The following PGBD5 variants were observed in gnomAD, a reference collection of about 807,000 sequenced individuals.
The protein encoded by PGBD5 is piggyBac transposable element-derived protein 5.
In PGBD5, 14 loss-of-function variants were observed where a neutral mutation model predicts 47.9. The observed-to-expected ratio is 0.29, with a 90% confidence interval of 0.19 to 0.46. PGBD5 has a LOEUF of 0.46. PGBD5 is among the 20% of genes least tolerant of loss of function. The pLI is 1.00. For synonymous variants in PGBD5, 316 were observed against 306.3 expected, an observed-to-expected ratio of 1.03 and a Z score of -0.33; for missense variants, 635 against 716.0, an observed-to-expected ratio of 0.89 and a Z score of 1.29.
At chr1:230,332,223 C>T (rs1309684134) in intron 5 of PGBD5, among the ~76,000 whole-genome samples, 1 of 152,230 alleles carries the variant, frequency 6.6e-6, no homozygotes, top group Non-Finnish European at 1.5e-5. Context: ...CGTGTGAAGG[C>T]AGGGGAGGCT....
At chr1:230,390,390 T>A (rs1656755039) in intron 1 of PGBD5, among the ~76,000 whole-genome samples, 1 of 152,110 alleles carries the variant, frequency 6.6e-6, no homozygotes, top group African/African-American at 2.4e-5. Flanking sequence ...TCTTGGCTCC[T>A]CCCAACCCCT....
At position 230,404,636 on chromosome 1, in the gene PGBD5, A is replaced by C. The variant is rs1262768750; in HGVS notation, c.331+20962T>G. Among the ~76,000 whole-genome samples the C allele has an allele frequency of 4.2e-5, 6 of 143,368 alleles. 1 individual carries two copies. In the East Asian group the frequency reaches 1.2e-3, roughly 29 times the overall value. The allele number at this position is 143,368 out of a possible 152,430, so 94.1% of individuals were successfully genotyped here. On this transcript the variant is annotated intron_variant, in intron 1 of 6. Coordinates refer to ENST00000391860, the MANE Select transcript of PGBD5 (RefSeq NM_001258311.2). Reference sequence around the variant, plus strand: ...CAAAAAAAAAAAAAAAAAAATATATATATATATATATATGGCCTGGCAAGG... The same window carrying C: ...CAAAAAAAAAAAAAAAAAAATATATCTATATATATATATGGCCTGGCAAGG...
intron 1 of PGBD5, among the ~76,000 whole-genome samples, chr1:230,359,197 C>G (rs112458446): frequency 0.012 from 1,758 of 152,052 alleles, 30 homozygotes; most frequent in African/African-American, 0.038. Flanking sequence ...GAGTAGCTGG[C>G]ATTACAGATG....
At chr1:230,385,434 G>C (rs1237740206) in intron 1 of PGBD5, among the ~76,000 whole-genome samples, 1 of 152,164 alleles carries the variant, frequency 6.6e-6, no homozygotes, top group Non-Finnish European at 1.5e-5. Flanking sequence ...AATGCAGAAA[G>C]GTTTTTGGAA....
chr1:230,401,620 C>T lies in PGBD5; in HGVS notation c.331+23978G>A, dbSNP rs1029558739. Among the ~76,000 whole-genome samples the T allele has an allele frequency of 3.9e-5, 6 of 152,314 alleles. No homozygotes were observed. The South Asian group carries it at 6.2e-4, about 16-fold the overall frequency. On this transcript the variant is annotated intron_variant, in intron 1 of 6. Transcript: ENST00000391860. ...TCTGACTTCCAGTGGATTAAAGAAA[C>T]ACTGAAAACACACTGGCCTCAGCAA...
At chr1:230,334,589 T>G (rs1391568525) in intron 4 of PGBD5, among the ~76,000 whole-genome samples, 1 of 139,036 alleles carries the variant, frequency 7.2e-6, no homozygotes, top group Non-Finnish European at 1.6e-5. Flanking sequence ...CTTGGCTGCC[T>G]GAGAATCCCC....
At position 230,425,626 on chromosome 1, in the gene PGBD5, G is replaced by T; in HGVS notation, c.303C>A (p.Arg101=). The T allele has an allele frequency of 8.2e-7, 1 of 1,220,094 alleles. No homozygotes were observed. Among genetic ancestry groups the T allele is most frequent in the Non-Finnish European group, 1.0e-6 (1 of 980,574 alleles). The allele number at this position is 1,220,094 out of a possible 1,614,324, so 75.6% of individuals were successfully genotyped here. Residue 101 remains arginine (R), a synonymous_variant, in exon 1 of 7, where the codon CGC becomes CGA. Transcript: ENST00000391860. This position sits in a 1 kb window ranked among gnomAD's most constrained non-coding sequence, Gnocchi z 4.7. ...GAGWSAALRD[R]PPPRFEDTGG... The stretch of plus-strand genomic sequence containing the variant: ...CGGTATCCTCGAAGCGCGGGGGCGG[G>T]CGGTCCCGCAGCGCTGCGCTCCAGC...
intron 1 of PGBD5, chr1:230,367,959 G>T (rs749593901): frequency 7.3e-7 from 1 of 1,366,218 alleles, no homozygotes; most frequent in Non-Finnish European, 9.8e-7. Context: ...ACACCAAGGA[G>T]CTCAAGGTCC....
intron 4 of PGBD5, among the ~76,000 whole-genome samples, chr1:230,335,760 C>CAGACAGACACACAA (rs1558192709): frequency 1.4e-5 from 2 of 142,078 alleles, no homozygotes; most frequent in Non-Finnish European, 3.1e-5. Flanking sequence ...CACACAGATA[C>CAGACAGACACACAA]ACAGATACAG....
rs79689884 is a variant in PGBD5 at position 230,414,372 on chromosome 1, T to C, written c.331+11226A>G. Among the ~76,000 whole-genome samples the C allele has an allele frequency of 3.7e-3, 571 of 152,314 alleles. 1 individual carries two copies. The highest frequency in any genetic ancestry group is 5.0e-3 in the Non-Finnish European group (337 of 68,028). ...ACCTTCAGAAATGGGGGCTGCACTCTCTCAACTATTCCAATTTCCCCAGTG... is the reference window on the plus strand; with the variant it reads ...ACCTTCAGAAATGGGGGCTGCACTCCCTCAACTATTCCAATTTCCCCAGTG... On this transcript the variant is annotated intron_variant, in intron 1 of 6. Coordinates refer to ENST00000391860, the MANE Select transcript of PGBD5 (RefSeq NM_001258311.2).
chr1:230,319,316 C>T lies in PGBD5; in HGVS notation c.*4109G>A, dbSNP rs539091444. On this transcript the variant is annotated 3_prime_UTR_variant, in exon 7 of 7. Coordinates refer to ENST00000391860, the MANE Select transcript of PGBD5 (RefSeq NM_001258311.2). ...GCTGTCATACCTTTCAAACACAGCA[C>T]CTGCGAGGATGCAGGAGACAGATCT... is the stretch of plus-strand genomic sequence containing the variant. 2.0e-5 allele frequency: 3 copies of T among 152,434 alleles called. No individual in the cohort carries two copies. Among genetic ancestry groups the T allele is most frequent in the African/African-American group, 7.2e-5 (3 of 41,590 alleles). The allele number at this position is 152,434 out of a possible 1,614,324, so 9.4% of individuals were successfully genotyped here. A position where few individuals can be genotyped will look rare whatever the true frequency, so the allele number is the denominator to read the frequency against.
At position 230,315,971 on chromosome 1, in the gene PGBD5, CATAT is replaced by C. The variant is rs760269564; in HGVS notation, c.*7450_*7453del. On this transcript the variant is annotated 3_prime_UTR_variant, in exon 7 of 7. Transcript: ENST00000391860. Reference sequence around the variant, plus strand: ...ATACATACATAAGTATATGTGTACACATATATGTATGTGTATACATACATAAGTA... The same window carrying C: ...ATACATACATAAGTATATGTGTACACATGTATGTGTATACATACATAAGTA... 7.2e-6 allele frequency: 1 copy of C among 137,996 alleles called. No homozygotes were observed. The highest frequency in any genetic ancestry group is 7.1e-5 in the Admixed American group (1 of 14,098). 8.5% of individuals were successfully genotyped at this position (137,996 alleles called of 1,614,324 possible).
At chr1:230,330,253 C>A (rs1290299115) in intron 5 of PGBD5, among the ~76,000 whole-genome samples, 1 of 152,164 alleles carries the variant, frequency 6.6e-6, no homozygotes, top group Non-Finnish European at 1.5e-5. Flanking sequence ...GCCGGTAAAG[C>A]TGGAGGCATC....
rs1391254642 is a variant in PGBD5 at position 230,316,128 on chromosome 1, AC to A, written c.*7296del. ...TGTGTACACATATATCTATGTGTATACATACATATGTATATGTGTACACATA... is the reference window on the plus strand; with the variant it reads ...TGTGTACACATATATCTATGTGTATAATACATATGTATATGTGTACACATA... On this transcript the variant is annotated 3_prime_UTR_variant, in exon 7 of 7. Transcript: ENST00000391860. 3.3e-5 allele frequency: 5 copies of A among 151,360 alleles called. No homozygotes were observed. The highest frequency in any genetic ancestry group is 4.9e-5 in the African/African-American group (2 of 41,170). The allele number at this position is 151,360 out of a possible 1,614,324, so 9.4% of individuals were successfully genotyped here. A position where few individuals can be genotyped will look rare whatever the true frequency, so the allele number is the denominator to read the frequency against.
At chr1:230,373,914 T>C (rs1667971834) in intron 1 of PGBD5, among the ~76,000 whole-genome samples, 1 of 152,048 alleles carries the variant, frequency 6.6e-6, no homozygotes, top group South Asian at 2.1e-4. Flanking sequence ...CCCAGGCTGG[T>C]CTCTAACTCC....
chr1:230,319,437 T>C lies in PGBD5; in HGVS notation c.*3988A>G, dbSNP rs1667002540. The C allele has an allele frequency of 6.6e-6, 1 of 152,150 alleles. No individual in the cohort carries two copies. The highest frequency in any genetic ancestry group is 1.5e-5 in the Non-Finnish European group (1 of 68,026). The allele number at this position is 152,150 out of a possible 1,614,324, so 9.4% of individuals were successfully genotyped here. A position where few individuals can be genotyped will look rare whatever the true frequency, so the allele number is the denominator to read the frequency against. On this transcript the variant is annotated 3_prime_UTR_variant, in exon 7 of 7. Coordinates refer to ENST00000391860, the MANE Select transcript of PGBD5 (RefSeq NM_001258311.2). ...GGCAAGTGGGGAAATGTTTTTTTTT[T>C]GCCATGAATGCAGACTGGAGGAGAA...
chr1:230,331,559 GC>G (rs938660329), intron 5 of PGBD5, among the ~76,000 whole-genome samples: 6 of 152,052 alleles, frequency 3.9e-5, no homozygotes, highest in African/African-American at 1.4e-4. Context: ...CTAGCCTTCA[GC>G]TTGCAAGGCC....
At position 230,315,771 on chromosome 1, in the gene PGBD5, GATGTATGCATATATGTATAT is replaced by G. The variant is rs1486470198; in HGVS notation, c.*7634_*7653del. 4 of 139,198 alleles carry G rather than the reference GATGTATGCATATATGTATAT, an allele frequency of 2.9e-5. No homozygotes were observed. The highest frequency in any genetic ancestry group is 2.3e-4 in the East Asian group (1 of 4,296). The allele number at this position is 139,198 out of a possible 1,614,324, so 8.6% of individuals were successfully genotyped here. A position where few individuals can be genotyped will look rare whatever the true frequency, so the allele number is the denominator to read the frequency against. The stretch of plus-strand genomic sequence containing the variant: ...TATATATACACATACATATATTATA[GATGTATGCATATATGTATAT>G]ATGTATACATATATGTATATGTGCA... On this transcript the variant is annotated 3_prime_UTR_variant, in exon 7 of 7. Coordinates refer to ENST00000391860, the MANE Select transcript of PGBD5 (RefSeq NM_001258311.2).
At chr1:230,405,668 G>A (rs1175739364) in intron 1 of PGBD5, among the ~76,000 whole-genome samples, 2 of 152,070 alleles carry the variant, frequency 1.3e-5, no homozygotes, top group South Asian at 2.1e-4. Flanking sequence ...CCCTGGCTGA[G>A]GACAACAGTA....
Sources: gnomAD v4.1 joint callset for allele counts (sites outside exome capture counted in the v4.1 genomes callset) on GRCh38, gnomAD v4.1.1 for gene constraint, Gnocchi (gnomAD v3.1) non-coding constraint, MANE v1.5 for transcripts, NCBI Gene and HGNC (gene_info 2026-07-23, HGNC 2026-07-21) for gene names.